The following PTPN9 variants were observed in gnomAD, a reference collection of about 807,000 sequenced individuals.
The protein encoded by PTPN9 is protein tyrosine phosphatase non-receptor type 9.
PTPN9 carries 26 observed loss-of-function variants against 69.8 expected under a neutral mutation model. That is an observed-to-expected ratio of 0.37 (90% confidence interval 0.27 to 0.52). The LOEUF is 0.52. Among genes scored for constraint, PTPN9 ranks in the 20% least tolerant of loss-of-function variants. The probability of loss-of-function intolerance (pLI) is 0.91; values close to 1 mark genes in which losing one functional copy is unlikely to be tolerated. For missense variants in PTPN9, 549 were observed against 740.3 expected (o/e 0.74, Z 3.00); for synonymous variants, 274 against 272.5 (o/e 1.01, Z -0.05).
chr15:75,505,264 CTCGTTAAGAATCA>C (rs2074812390), intron 7 of PTPN9, among the ~76,000 whole-genome samples: 1 of 148,798 alleles, frequency 6.7e-6, no homozygotes, highest in African/African-American at 2.5e-5. Context: ...AGGCAGCATG[CTCGTTAAGAATCA>C]TCACCACTCC....
chr15:75,561,199 C>A (rs2075102840), intron 1 of PTPN9, among the ~76,000 whole-genome samples: 1 of 151,726 alleles, frequency 6.6e-6, no homozygotes, highest in African/African-American at 2.4e-5. Context: ...CCTGTAATCC[C>A]AGCTACTTGG....
chr15:75,482,774 T>TA (rs1323913652), intron 8 of PTPN9, among the ~76,000 whole-genome samples: 2 of 147,554 alleles, frequency 1.4e-5, no homozygotes, highest in African/African-American at 2.5e-5. Flanking sequence ...GAATTATCAA[T>TA]AAAAAAATAA....
At chr15:75,495,287 C>A (rs770015667) in intron 7 of PTPN9, among the ~76,000 whole-genome samples, 7 of 150,924 alleles carry the variant, frequency 4.6e-5, no homozygotes, top group Admixed American at 2.0e-4. Flanking sequence ...ACAGTTTAGA[C>A]TAGAATGAAA....
intron 2 of PTPN9, among the ~76,000 whole-genome samples, chr15:75,526,190 C>A (rs1372243982): frequency 1.3e-5 from 2 of 151,956 alleles, no homozygotes; most frequent in Non-Finnish European, 2.9e-5. Flanking sequence ...TGCGGTTTTG[C>A]CATTTTGTTC....
intron 9 of PTPN9, among the ~76,000 whole-genome samples, chr15:75,479,440 G>C (rs1038883187): frequency 1.3e-5 from 2 of 152,118 alleles, no homozygotes; most frequent in East Asian, 3.9e-4. Context: ...AGGCCTATTA[G>C]GACAGCAATA....
At chr15:75,519,895 G>GAGAT (rs2074893813) in intron 4 of PTPN9, among the ~76,000 whole-genome samples, 1 of 152,070 alleles carries the variant, frequency 6.6e-6, no homozygotes, top group African/African-American at 2.4e-5. Context: ...TTGGGAGACT[G>GAGAT]AGATGTGAAG....
intron 1 of PTPN9, among the ~76,000 whole-genome samples, chr15:75,552,859 A>G (rs113248064): frequency 3.3e-5 from 5 of 150,330 alleles, no homozygotes; most frequent in African/African-American, 1.2e-4. Flanking sequence ...GACCATACAG[A>G]AGGAGGGCCT....
chr15:75,533,628 T>C (rs2074972018), intron 1 of PTPN9, among the ~76,000 whole-genome samples: 1 of 152,150 alleles, frequency 6.6e-6, no homozygotes, highest in Admixed American at 6.6e-5. Context: ...CCCACAACCA[T>C]GTTTAAATAA....
rs2074539115 is a variant in PTPN9, at chr15:75,467,010, A to C, written c.*1759T>G. 6.6e-6 allele frequency: 1 copy of C among 152,226 alleles called. No homozygotes were observed. The highest frequency in any genetic ancestry group is 1.9e-4 in the East Asian group (1 of 5,200). 9.4% of individuals were successfully genotyped at this position (152,226 alleles called of 1,614,324 possible). On this transcript the variant is annotated 3_prime_UTR_variant, in exon 13 of 13. Transcript: ENST00000618819. ...GTGAACTCATAGTGTCAGAACTCAA[A>C]GTCTCAGATACTGAAGGCTTGGGTC...
chr15:75,503,762 A>G (rs1595954992), intron 7 of PTPN9, among the ~76,000 whole-genome samples: 1 of 45,940 alleles, frequency 2.2e-5, no homozygotes. Flanking sequence ...CCCATCCGGG[A>G]GGGAGGTGGG....
intron 8 of PTPN9, among the ~76,000 whole-genome samples, chr15:75,484,049 A>T (rs2074659766): frequency 6.6e-6 from 1 of 152,138 alleles, no homozygotes; most frequent in Non-Finnish European, 1.5e-5. Flanking sequence ...CTTCTTCCCC[A>T]TGTTACCCTT....
At chr15:75,574,942 C>CAAA (rs771896991) in intron 1 of PTPN9, among the ~76,000 whole-genome samples, 3 of 27,026 alleles carry the variant, frequency 1.1e-4, no homozygotes, top group Non-Finnish European at 1.4e-4. Context: ...AACTCTGTCT[C>CAAA]AAAAAAAAAA....
chr15:75,471,320 T>C (rs528413851), intron 10 of PTPN9, among the ~76,000 whole-genome samples: 3 of 151,982 alleles, frequency 2.0e-5, no homozygotes, highest in African/African-American at 7.2e-5. Context: ...TATGAAAATA[T>C]GATAGGTCAG....
intron 1 of PTPN9, among the ~76,000 whole-genome samples, chr15:75,558,368 G>C (rs778051899): frequency 6.6e-6 from 1 of 151,972 alleles, no homozygotes; most frequent in Non-Finnish European, 1.5e-5. Context: ...TTAGCTGGGC[G>C]TGGTGGCACA....
chr15:75,565,575 G>A (rs2075123261), intron 1 of PTPN9, among the ~76,000 whole-genome samples: 1 of 152,182 alleles, frequency 6.6e-6, no homozygotes, highest in South Asian at 2.1e-4. Context: ...GAAATTTCTA[G>A]ATATTGACAA....
intron 8 of PTPN9, among the ~76,000 whole-genome samples, chr15:75,488,651 A>C (rs1457528971): frequency 1.3e-5 from 2 of 152,070 alleles, no homozygotes; most frequent in African/African-American, 4.8e-5. Context: ...AAAATCAGCC[A>C]TGTGTAATGG....
At position 75,578,723 on chromosome 15, in the gene PTPN9, C is replaced by A; in HGVS notation, c.54G>T (p.Glu18Asp). ...CCTCGGGCCCGCTTACCTGCTCCTC[C>A]TCCGGGGTCAGCTCCGGCGCCATGT... is the stretch of plus-strand genomic sequence containing the variant. ...RPDMAPELTP[E>D]EEQATKQFLE... Residue 18 changes from glutamate (E) to aspartate (D), a missense_variant, in exon 1 of 13, where the codon GAG (glutamate) becomes GAT (aspartate). Transcript: ENST00000618819. 7.3e-7 allele frequency: 1 copy of A among 1,368,122 alleles called. No individual in the cohort carries two copies. Among genetic ancestry groups the A allele is most frequent in the Non-Finnish European group, 9.5e-7 (1 of 1,057,524 alleles). 84.7% of individuals were successfully genotyped at this position (1,368,122 alleles called of 1,614,324 possible).
At chr15:75,515,973 A>G (rs919425656) in intron 5 of PTPN9, among the ~76,000 whole-genome samples, 6 of 152,236 alleles carry the variant, frequency 3.9e-5, no homozygotes, top group South Asian at 4.1e-4. Flanking sequence ...AGAGATATGC[A>G]GTATGTTTAT....
At chr15:75,479,713 T>C (rs181071511) in intron 9 of PTPN9, 135 bp downstream of exon 9, 1 of 686,610 alleles carries the variant, frequency 1.5e-6, no homozygotes, top group Admixed American at 3.3e-5. Flanking sequence ...ACCACCCATC[T>C]TTATAAAAGG....
Sources: allele counts gnomAD v4.1 joint callset (sites outside exome capture counted in the v4.1 genomes callset), GRCh38; gene constraint gnomAD v4.1.1; transcripts MANE v1.5; gene names NCBI Gene and HGNC (gene_info 2026-07-23, HGNC 2026-07-21).